CACNA1C: variants seen among roughly 807,000 people sequenced by gnomAD.
CACNA1C encodes calcium voltage-gated channel subunit alpha1 C.
In CACNA1C, 30 loss-of-function variants were observed where a neutral mutation model predicts 229.0. The observed-to-expected ratio is 0.13, with a 90% confidence interval of 0.10 to 0.18. The LOEUF is 0.18. CACNA1C is among the 10% of genes least tolerant of loss of function. The probability of loss-of-function intolerance (pLI) is 1.00; values close to 1 mark genes in which losing one functional copy is unlikely to be tolerated. For synonymous variants in CACNA1C, 1,114 were observed against 1,132.5 expected, an observed-to-expected ratio of 0.98 and a Z score of 0.33; for missense variants, 1,658 against 2,845.0, an observed-to-expected ratio of 0.58 and a Z score of 9.49.
intron 9 of CACNA1C, among the ~76,000 whole-genome samples, chr12:2,544,068 C>G (rs1476803808): frequency 1.3e-5 from 2 of 151,894 alleles, no homozygotes; most frequent in East Asian, 3.9e-4. Context: ...ACACCTTTCC[C>G]TAGAAGGGAA....
At chr12:2,222,327 C>G (rs2061672782) in intron 3 of CACNA1C, 1 of 152,082 alleles carries the variant, frequency 6.6e-6, no homozygotes, top group East Asian at 1.9e-4. Context: ...GGATTTGAGT[C>G]AGAAGACTTG....
intron 3 of CACNA1C, among the ~76,000 whole-genome samples, chr12:2,422,211 A>G (rs1310460536): frequency 6.6e-6 from 1 of 152,226 alleles, no homozygotes; most frequent in Non-Finnish European, 1.5e-5. Context: ...AGAAACAATT[A>G]TTCAATATAG....
chr12:2,584,285 C>T (rs2061610187), intron 15 of CACNA1C, among the ~76,000 whole-genome samples: 1 of 152,172 alleles, frequency 6.6e-6, no homozygotes, highest in South Asian at 2.1e-4. Flanking sequence ...GCAGGCTAGC[C>T]TGTTCTCATC....
At chr12:2,220,827 C>G (rs2061273666) in intron 3 of CACNA1C, 1 of 152,194 alleles carries the variant, frequency 6.6e-6, no homozygotes, top group African/African-American at 2.4e-5. Context: ...TGATGCTGTG[C>G]TTGGCGCTGA....
intron 10 of CACNA1C, among the ~76,000 whole-genome samples, chr12:2,555,897 G>T (rs995682770): frequency 6.6e-6 from 1 of 151,822 alleles, no homozygotes; most frequent in African/African-American, 2.4e-5. Flanking sequence ...GCAGGCCTGC[G>T]GCGGTTGCCT....
rs2094330908 is a variant in CACNA1C, at chr12:2,646,131, A to C, written c.3913-2344A>C. Among the ~76,000 whole-genome samples the C allele has an allele frequency of 6.6e-6, 1 of 152,266 alleles. No individual in the cohort carries two copies. On this transcript the variant is annotated intron_variant, in intron 30 of 46. Transcript: ENST00000399655. The surrounding 1 kb of genome is among the most constrained non-coding windows in gnomAD (Gnocchi z 4.6). ...GAACAGATCCAAAGTCAAGTCTTGA[A>C]GTGAAATATGACTTAAATAAATGAG...
chr12:2,593,106 C>T (rs2066250743), intron 18 of CACNA1C, 107 bp from the exon 19 acceptor site: 2 of 1,283,242 alleles, frequency 1.6e-6, no homozygotes, highest in African/African-American at 2.9e-5. Flanking sequence ...GGTTGGTACC[C>T]TACATTTTCA....
At chr12:2,420,894 C>T (rs1403453075) in intron 3 of CACNA1C, among the ~76,000 whole-genome samples, 1 of 152,196 alleles carries the variant, frequency 6.6e-6, no homozygotes, top group East Asian at 1.9e-4. Flanking sequence ...AGTTCTGGAG[C>T]CCCGAATGTC....
At position 2,601,188 on chromosome 12, in the gene CACNA1C, C is replaced by A. The variant is rs916419471; in HGVS notation, c.2854-666C>A. Among the ~76,000 whole-genome samples the A allele has an allele frequency of 2.6e-5, 4 of 152,178 alleles. No homozygotes were observed. The highest frequency in any genetic ancestry group is 5.9e-5 in the Non-Finnish European group (4 of 68,036). ...GAATTGAGTTTAGAATATTTGGCAT[C>A]AATAATAAGCACCCTTTGAGGCCAG... On this transcript the variant is annotated intron_variant, in intron 21 of 46. Coordinates refer to ENST00000399655, the MANE Select transcript of CACNA1C (RefSeq NM_000719.7). This position sits in a 1 kb window ranked among gnomAD's most constrained non-coding sequence, Gnocchi z 5.9.
chr12:2,666,882 T>G lies in CACNA1C; in HGVS notation c.4623+100T>G. The G allele has an allele frequency of 1.3e-6, 1 of 746,076 alleles. No homozygotes were observed. The highest frequency in any genetic ancestry group is 2.3e-6 in the Non-Finnish European group (1 of 426,734). 46.2% of individuals were successfully genotyped at this position (746,076 alleles called of 1,614,324 possible). ...AAGGGAATGAACATACTAGTTTATG[T>G]GCCTAAAGATTACATTTTAAGGGTC... On this transcript the variant is annotated intron_variant, in intron 37 of 46. Coordinates refer to ENST00000399655, the MANE Select transcript of CACNA1C (RefSeq NM_000719.7). The surrounding 1 kb of genome is among the most constrained non-coding windows in gnomAD (Gnocchi z 5.3).
In CACNA1C at chr12:2,294,328, A is replaced by T. The variant is rs185114514; in HGVS notation, c.478-154648A>T. Among the ~76,000 whole-genome samples, 361 of 151,898 alleles carry T rather than the reference A, an allele frequency of 2.4e-3. 3 individuals carry two copies. Among genetic ancestry groups the T allele is most frequent in the African/African-American group, 8.4e-3 (348 of 41,396 alleles). On this transcript the variant is annotated intron_variant, in intron 3 of 46. Transcript: ENST00000399655. The stretch of plus-strand genomic sequence containing the variant: ...AAGAGCGTGGCCCATAGCATGAGGC[A>T]CGGGTACGGTTGTGCTTGGGGAGCC...
At chr12:2,674,327 G>A (rs1486122573) in intron 38 of CACNA1C, among the ~76,000 whole-genome samples, 1 of 152,202 alleles carries the variant, frequency 6.6e-6, no homozygotes, top group East Asian at 1.9e-4. Context: ...GGGCACAAGA[G>A]GGAAGGGGGA....
intron 3 of CACNA1C, among the ~76,000 whole-genome samples, chr12:2,368,537 CTT>C (rs2097776428): frequency 6.6e-6 from 1 of 152,130 alleles, no homozygotes; most frequent in Non-Finnish European, 1.5e-5. Flanking sequence ...AATTACAAAA[CTT>C]TTAAAATGTG....
intron 1 of CACNA1C, among the ~76,000 whole-genome samples, chr12:2,040,494 T>C (rs973515245): frequency 1.1e-4 from 16 of 152,234 alleles, no homozygotes; most frequent in African/African-American, 3.6e-4. Flanking sequence ...GAGAGAATTT[T>C]GTTATCAAAG....
At chr12:2,476,214 G>A (rs762936653) in intron 5 of CACNA1C, among the ~76,000 whole-genome samples, 3 of 152,222 alleles carry the variant, frequency 2.0e-5, no homozygotes, top group Non-Finnish European at 4.4e-5. Flanking sequence ...GAAGGATTGT[G>A]AGGCCCCATC....
At chr12:2,299,630 T>C (rs1233641985) in intron 3 of CACNA1C, among the ~76,000 whole-genome samples, 1 of 152,162 alleles carries the variant, frequency 6.6e-6, no homozygotes, top group African/African-American at 2.4e-5. Context: ...CCTCTGAGGG[T>C]AGGAATGAAG....
intron 3 of CACNA1C, among the ~76,000 whole-genome samples, chr12:2,356,033 A>G (rs1051337038): frequency 2.6e-5 from 4 of 152,228 alleles, no homozygotes; most frequent in African/African-American, 9.6e-5. Flanking sequence ...TTGGACACTC[A>G]ATAAATGGGG....
At chr12:1,982,307 G>A (rs147270953) in intron 1 of CACNA1C, among the ~76,000 whole-genome samples, 13 of 152,058 alleles carry the variant, frequency 8.5e-5, no homozygotes, top group South Asian at 6.2e-4. Context: ...AACCATCACC[G>A]CTATCCATCT....
At chr12:2,372,554 A>G (rs11837974) in intron 3 of CACNA1C, among the ~76,000 whole-genome samples, 1,963 of 152,048 alleles carry the variant, frequency 0.013, 46 homozygotes, top group African/African-American at 0.042. Flanking sequence ...CCCACAACCC[A>G]CCTAATCCTG....
Sources: allele counts gnomAD v4.1 joint callset (sites outside exome capture counted in the v4.1 genomes callset), GRCh38; gene constraint gnomAD v4.1.1; non-coding constraint Gnocchi (gnomAD v3.1); transcripts MANE v1.5; gene names NCBI Gene and HGNC (gene_info 2026-07-23, HGNC 2026-07-21).